RBFOX1: variants seen among roughly 807,000 people sequenced by gnomAD.
The protein encoded by RBFOX1 is RNA binding fox-1 homolog 1.
A neutral mutation model predicts 57.7 loss-of-function variants in RBFOX1; 8 were observed. That is an observed-to-expected ratio of 0.14 (90% confidence interval 0.08 to 0.25). RBFOX1 has a LOEUF of 0.25. Ranked by LOEUF, RBFOX1 falls within the 10% of genes least tolerant of loss-of-function variation. The pLI, the probability that RBFOX1 is intolerant of heterozygous loss-of-function variation, is 1.00. For missense variants in RBFOX1, 611 were observed against 548.5 expected, an observed-to-expected ratio of 1.11 and a Z score of -1.14; for synonymous variants, 326 against 222.4, an observed-to-expected ratio of 1.47 and a Z score of -4.15.
chr16:6,454,823 T>C (rs974210458), intron 2 of RBFOX1, among the ~76,000 whole-genome samples: 1 of 148,618 alleles, frequency 6.7e-6, no homozygotes, highest in African/African-American at 2.5e-5. Flanking sequence ...TTCCGTCCCC[T>C]ATTATTCTCT....
At chr16:7,447,327 G>T (rs1486412998) in intron 4 of RBFOX1, among the ~76,000 whole-genome samples, 1 of 151,528 alleles carries the variant, frequency 6.6e-6, no homozygotes, top group East Asian at 2.0e-4. Flanking sequence ...TAGCTACTTG[G>T]GAGGCTGAGG....
intron 2 of RBFOX1, among the ~76,000 whole-genome samples, chr16:6,536,557 G>GTT (rs55730249): frequency 1.5e-4 from 22 of 149,830 alleles, no homozygotes; most frequent in Non-Finnish European, 1.8e-4. Context: ...GGCCCAGGAG[G>GTT]TTTTTTTTTT....
At chr16:6,951,745 C>A (rs1029863041) in intron 3 of RBFOX1, among the ~76,000 whole-genome samples, 1 of 152,034 alleles carries the variant, frequency 6.6e-6, no homozygotes, top group African/African-American at 2.4e-5. Flanking sequence ...TTTTCTCTCT[C>A]TCTTTTGAGA....
At chr16:7,227,518 C>A (rs1306788702) in intron 4 of RBFOX1, among the ~76,000 whole-genome samples, 1 of 152,194 alleles carries the variant, frequency 6.6e-6, no homozygotes, top group Non-Finnish European at 1.5e-5. Flanking sequence ...GGTACTTCTG[C>A]AGCTCTTCAG....
intron 3 of RBFOX1, among the ~76,000 whole-genome samples, chr16:6,718,904 C>G (rs781193980): frequency 1.3e-5 from 2 of 151,914 alleles, no homozygotes; most frequent in Non-Finnish European, 2.9e-5. Flanking sequence ...GTACTGTTGC[C>G]TAGGCTGGAG....
At chr16:6,043,442 G>C (rs1381989063) in intron 1 of RBFOX1, among the ~76,000 whole-genome samples, 1 of 152,204 alleles carries the variant, frequency 6.6e-6, no homozygotes, top group East Asian at 1.9e-4. Context: ...TCTGTCATGC[G>C]ATGCTATATC....
At chr16:7,422,436 G>T (rs571983570) in intron 4 of RBFOX1, among the ~76,000 whole-genome samples, 1 of 152,164 alleles carries the variant, frequency 6.6e-6, no homozygotes, top group African/African-American at 2.4e-5. Context: ...GCATTATTTC[G>T]GTTGCCTTTT....
chr16:6,893,209 C>T (rs1477785000), intron 3 of RBFOX1, among the ~76,000 whole-genome samples: 1 of 152,090 alleles, frequency 6.6e-6, no homozygotes, highest in East Asian at 1.9e-4. Flanking sequence ...TGGACAAGCT[C>T]ACAGGGAAGC....
intron 7 of RBFOX1, among the ~76,000 whole-genome samples, chr16:7,590,046 G>A (rs2094359254): frequency 6.6e-6 from 1 of 151,822 alleles, no homozygotes; most frequent in Non-Finnish European, 1.5e-5. Context: ...TGGGAGTATT[G>A]TATGAAGCCA....
intron 4 of RBFOX1, among the ~76,000 whole-genome samples, chr16:7,442,517 A>G (rs1040742832): frequency 3.3e-5 from 5 of 152,114 alleles, no homozygotes; most frequent in African/African-American, 1.2e-4. Flanking sequence ...AAAAATGAGG[A>G]GGCCGCAAAC....
intron 1 of RBFOX1, among the ~76,000 whole-genome samples, chr16:6,287,786 C>T (rs936916698): frequency 1.2e-4 from 18 of 152,206 alleles, no homozygotes; most frequent in Non-Finnish European, 1.8e-4. Context: ...GAATTAAGAA[C>T]ATTTACCTAT....
intron 13 of RBFOX1, among the ~76,000 whole-genome samples, chr16:7,671,308 A>T (rs183269880): frequency 6.6e-6 from 1 of 152,212 alleles, no homozygotes; most frequent in Non-Finnish European, 1.5e-5. Context: ...AGAAATAAAC[A>T]CAAGTTATAA....
At chr16:5,410,124 G>A (rs185143975) in intron 1 of RBFOX1, among the ~76,000 whole-genome samples, 418 of 151,918 alleles carry the variant, frequency 2.8e-3, no homozygotes, top group Middle Eastern at 0.017. Flanking sequence ...TGCGCTTTGG[G>A]AGAGCAATGT....
chr16:6,935,163 C>T (rs1042441889), intron 3 of RBFOX1, among the ~76,000 whole-genome samples: 1 of 152,040 alleles, frequency 6.6e-6, no homozygotes, highest in Admixed American at 6.6e-5. Flanking sequence ...GCCTATCTGG[C>T]CTAATTTTCC....
At chr16:7,613,433 C>G (rs922226905) in intron 10 of RBFOX1, among the ~76,000 whole-genome samples, 1 of 152,100 alleles carries the variant, frequency 6.6e-6, no homozygotes, top group Non-Finnish European at 1.5e-5. Flanking sequence ...CATGTGATCA[C>G]CAAAGTCACC....
chr16:7,428,287 T>A (rs1406516669), intron 4 of RBFOX1, among the ~76,000 whole-genome samples: 1 of 151,828 alleles, frequency 6.6e-6, no homozygotes, highest in African/African-American at 2.4e-5. Flanking sequence ...TGAATAAGTT[T>A]TGTATGAGAT....
chr16:5,481,096 T>A (rs2069525688), intron 2 of RBFOX1, among the ~76,000 whole-genome samples: 1 of 152,250 alleles, frequency 6.6e-6, no homozygotes, highest in Admixed American at 6.5e-5. Context: ...CTGTTGGAAG[T>A]GAAGGAGTTA....
chr16:5,953,696 C>T (rs1010388846), intron 4 of RBFOX1, among the ~76,000 whole-genome samples: 9 of 131,198 alleles, frequency 6.9e-5, no homozygotes, highest in Non-Finnish European at 1.3e-4. Flanking sequence ...GCTAAGTAGT[C>T]TTCTGTCTTA....
rs116440059 is a variant in RBFOX1, at chr16:5,725,461, C to T, written c.318+126500C>T. Among the ~76,000 whole-genome samples the T allele has an allele frequency of 6.5e-3, 984 of 151,850 alleles. 12 individuals are homozygous for T. Among genetic ancestry groups the T allele is most frequent in the African/African-American group, 0.022 (917 of 41,432 alleles). ...TATTTTTTGTAGAGATGAGGTCTTT[C>T]TTTGTTTTCCAGTCTTGTCTCAAAC... On this transcript the variant is annotated intron_variant, in intron 3 of 19. Transcript: ENST00000641259.
Sources: allele counts gnomAD v4.1 joint callset (sites outside exome capture counted in the v4.1 genomes callset), GRCh38; gene constraint gnomAD v4.1.1; transcripts MANE v1.5; gene names NCBI Gene and HGNC (gene_info 2026-07-23, HGNC 2026-07-21).